Variants in CD2AP observed in about 807,000 individuals in gnomAD.
CD2AP encodes the protein CD2-associated protein.
In CD2AP, 46 loss-of-function variants were observed where a neutral mutation model predicts 85.1. The ratio of observed to expected loss-of-function variants is 0.54; its 90% CI spans 0.43 to 0.69. CD2AP has a LOEUF of 0.69. Among genes scored for constraint, CD2AP ranks in the 30% least tolerant of loss-of-function variants. CD2AP has a pLI of 0.00. For missense variants in CD2AP, 769 were observed against 729.5 expected (o/e 1.05, Z -0.62); for synonymous variants, 255 against 252.9 (o/e 1.01, Z -0.08).
chr6:47,582,847 A>G (rs1768519681), intron 11 of CD2AP, among the ~76,000 whole-genome samples: 1 of 149,592 alleles, frequency 6.7e-6, no homozygotes, highest in African/African-American at 2.5e-5. Flanking sequence ...CAGTGGCGCA[A>G]TATCGGCTCA....
chr6:47,564,507 G>A lies in CD2AP; in HGVS notation c.542-9557G>A, dbSNP rs1039151435. On this transcript the variant is annotated intron_variant, in intron 5 of 17. Transcript: ENST00000359314. ...GCTTGATTTGGATTTTAGTAACTGC[G>A]CAGAATTTTATCTGTTAGAAATACC... is the stretch of plus-strand genomic sequence containing the variant. Among the ~76,000 whole-genome samples, 7 of 152,104 alleles carry A rather than the reference G, an allele frequency of 4.6e-5. No homozygotes were observed. In the East Asian group the frequency reaches 5.8e-4, roughly 13 times the overall value.
intron 5 of CD2AP, among the ~76,000 whole-genome samples, chr6:47,559,165 G>A (rs1582558288): frequency 6.6e-6 from 1 of 151,776 alleles, no homozygotes; most frequent in South Asian, 2.1e-4. Context: ...GGGATCAGTG[G>A]TGATCTCCCC....
chr6:47,564,472 A>G (rs1205298555), intron 5 of CD2AP, among the ~76,000 whole-genome samples: 1 of 152,128 alleles, frequency 6.6e-6, no homozygotes, highest in Non-Finnish European at 1.5e-5. Flanking sequence ...ACATTTTCTT[A>G]TGCTATTCAG....
In CD2AP at chr6:47,626,796, G is replaced by A. The variant is rs1481542919; in HGVS notation, c.*2569G>A. 6.6e-6 allele frequency: 1 copy of A among 152,480 alleles called. No individual in the cohort carries two copies. Among genetic ancestry groups the A allele is most frequent in the Non-Finnish European group, 1.5e-5 (1 of 67,918 alleles). 9.4% of individuals were successfully genotyped at this position (152,480 alleles called of 1,614,324 possible). ...TTATGCTTGCATTTAAACTTGAAAT[G>A]TATGAGCAGAATGAGACAATCAGTT... On this transcript the variant is annotated 3_prime_UTR_variant, in exon 18 of 18. Coordinates refer to ENST00000359314, the MANE Select transcript of CD2AP (RefSeq NM_012120.3).
chr6:47,594,473 G>A (rs1293962440), intron 11 of CD2AP, among the ~76,000 whole-genome samples: 2 of 151,694 alleles, frequency 1.3e-5, no homozygotes, highest in Non-Finnish European at 2.9e-5. Flanking sequence ...TGTTATTTGT[G>A]TATTCTGTTA....
chr6:47,595,108 TGAGC>T (rs1166867891), intron 11 of CD2AP, among the ~76,000 whole-genome samples: 3 of 152,058 alleles, frequency 2.0e-5, no homozygotes, highest in Non-Finnish European at 2.9e-5. Context: ...TACCTATTTA[TGAGC>T]ACCTGAAAGA....
chr6:47,571,575 A>G (rs933154130), intron 5 of CD2AP, among the ~76,000 whole-genome samples: 30 of 152,164 alleles, frequency 2.0e-4, no homozygotes, highest in African/African-American at 7.0e-4. Flanking sequence ...AGTGAGAACT[A>G]TATGTAGAGA....
intron 5 of CD2AP, among the ~76,000 whole-genome samples, chr6:47,557,063 C>T (rs1243021003): frequency 6.6e-6 from 1 of 152,082 alleles, no homozygotes; most frequent in Non-Finnish European, 1.5e-5. Context: ...ATTTGCATTT[C>T]TCTGATGGCC....
intron 2 of CD2AP, among the ~76,000 whole-genome samples, chr6:47,525,390 G>A (rs1466404504): frequency 2.6e-5 from 4 of 152,064 alleles, no homozygotes; most frequent in Non-Finnish European, 4.4e-5. Flanking sequence ...AATTATTACT[G>A]TGTTTAGGAA....
At chr6:47,535,227 G>A (rs1767002083) in intron 3 of CD2AP, among the ~76,000 whole-genome samples, 1 of 152,060 alleles carries the variant, frequency 6.6e-6, no homozygotes, top group Admixed American at 6.6e-5. Flanking sequence ...AGGTCTGATT[G>A]CAAAAATTCA....
intron 1 of CD2AP, 112 bp downstream of exon 1, chr6:47,478,360 C>T (rs886839453): frequency 4.9e-6 from 6 of 1,219,440 alleles, no homozygotes; most frequent in Non-Finnish European, 7.1e-6. Context: ...TGAGCGGCAG[C>T]ACCCCACCCT....
Position 47,572,886 on chromosome 6 carries a change from A to G in CD2AP, c.542-1178A>G, listed in dbSNP as rs367696400. Among the ~76,000 whole-genome samples, 12 of 152,322 alleles carry G rather than the reference A, an allele frequency of 7.9e-5. No homozygotes were observed. The East Asian group carries it at 1.7e-3, about 22-fold the overall frequency. ...AATTAGCTCTGAATAAATGGTAACT[A>G]CTATTTTTATTGTCCCTATTGTTCT... On this transcript the variant is annotated intron_variant, in intron 5 of 17. Transcript: ENST00000359314.
chr6:47,609,221 T>C lies in CD2AP; in HGVS notation c.1731T>C (p.Asp577=). ...TCAAAGCTAAAGTGGAAACAGATGA[T>C]GTGAAAAAAAATTCCCTGGATGAAC... The part of the protein sequence containing the change: ...LEIKAKVETD[D]VKKNSLDELR... Residue 577 remains aspartate, a synonymous_variant, in exon 16 of 18, where the codon GAT becomes GAC. Transcript: ENST00000359314. 6.2e-7 allele frequency: 1 copy of C among 1,613,334 alleles called. No homozygotes were observed. The highest frequency in any genetic ancestry group is 8.5e-7 in the Non-Finnish European group (1 of 1,179,470).
chr6:47,619,036 A>G (rs1349904465), intron 17 of CD2AP, among the ~76,000 whole-genome samples: 1 of 152,228 alleles, frequency 6.6e-6, no homozygotes, highest in Non-Finnish European at 1.5e-5. Flanking sequence ...TGAACATACA[A>G]GTGCTAAAAG....
intron 2 of CD2AP, among the ~76,000 whole-genome samples, chr6:47,510,552 A>G (rs750561307): frequency 2.6e-5 from 4 of 152,204 alleles, no homozygotes; most frequent in Non-Finnish European, 4.4e-5. Flanking sequence ...CCCAATATCT[A>G]GAGCTGGAAC....
At chr6:47,604,847 TG>T (rs1310666752) in intron 13 of CD2AP, among the ~76,000 whole-genome samples, 1 of 152,068 alleles carries the variant, frequency 6.6e-6, no homozygotes, top group African/African-American at 2.4e-5. Flanking sequence ...TTAGAGTATC[TG>T]TTTTAATGAA....
chr6:47,499,948 C>T (rs551484011), intron 1 of CD2AP, among the ~76,000 whole-genome samples: 11 of 152,226 alleles, frequency 7.2e-5, no homozygotes, highest in Middle Eastern at 3.4e-3. Flanking sequence ...AGGCTGGTCT[C>T]GAACTCCTGA....
At chr6:47,521,032 C>G (rs1194316424) in intron 2 of CD2AP, among the ~76,000 whole-genome samples, 1 of 151,938 alleles carries the variant, frequency 6.6e-6, no homozygotes, top group Admixed American at 6.6e-5. Context: ...GGTCTGCCTT[C>G]TTTTCAAAAT....
At chr6:47,566,936 TGC>T (rs1249873560) in intron 5 of CD2AP, among the ~76,000 whole-genome samples, 1 of 152,206 alleles carries the variant, frequency 6.6e-6, no homozygotes, top group African/African-American at 2.4e-5. Context: ...AACATATGCA[TGC>T]ATGTGTCTTT....
Sources: allele counts gnomAD v4.1 joint callset (sites outside exome capture counted in the v4.1 genomes callset), GRCh38; gene constraint gnomAD v4.1.1; transcripts MANE v1.5; gene names NCBI Gene and HGNC (gene_info 2026-07-23, HGNC 2026-07-21).